TRPV2: variants seen among roughly 807,000 people sequenced by gnomAD.
TRPV2 encodes transient receptor potential cation channel subfamily V member 2, also known as OTRPC2.
A neutral mutation model predicts 91.0 loss-of-function variants in TRPV2; 58 were observed. The observed-to-expected ratio is 0.64, with a 90% CI of 0.52 to 0.79. The LOEUF (loss-of-function observed/expected upper bound fraction) is 0.79, where lower values mean the gene tolerates loss of function less well. Among genes scored for constraint, TRPV2 ranks in the 30% least tolerant of loss-of-function variants. The probability of loss-of-function intolerance (pLI) is 0.00; values close to 1 mark genes in which losing one functional copy is unlikely to be tolerated. For synonymous variants in TRPV2, 417 were observed against 414.8 expected, an observed-to-expected ratio of 1.01 and a Z score of -0.06; for missense variants, 807 against 969.6, an observed-to-expected ratio of 0.83 and a Z score of 2.23.
intron 2 of TRPV2, among the ~76,000 whole-genome samples, chr17:16,419,624 G>A (rs1257972541): frequency 6.6e-6 from 1 of 152,194 alleles, no homozygotes; most frequent in African/African-American, 2.4e-5. Context: ...AGAATATTCT[G>A]TAGTTAATAG....
chr17:16,430,752 G>C (rs1250499890), intron 10 of TRPV2, among the ~76,000 whole-genome samples: 1 of 152,150 alleles, frequency 6.6e-6, no homozygotes, highest in Non-Finnish European at 1.5e-5. Context: ...TTCCCAAAGT[G>C]CTGGGATTGC....
chr17:16,423,821 C>T (rs1350872943), intron 5 of TRPV2, 54 bp downstream of exon 5: 4 of 1,480,500 alleles, frequency 2.7e-6, no homozygotes, highest in African/African-American at 2.8e-5. Flanking sequence ...TAGGTCTCAT[C>T]CCAAAATTTC....
chr17:16,430,920 G>A (rs2093406761), intron 10 of TRPV2, among the ~76,000 whole-genome samples: 1 of 152,074 alleles, frequency 6.6e-6, no homozygotes, highest in Non-Finnish European at 1.5e-5. Context: ...CTACGAACAA[G>A]GGTGTAAAAG....
At chr17:16,424,052 C>T (rs755627673) in intron 5 of TRPV2, among the ~76,000 whole-genome samples, 23 of 151,126 alleles carry the variant, frequency 1.5e-4, no homozygotes, top group Non-Finnish European at 2.7e-4. Context: ...TGCAATGGTG[C>T]GACCTCGGCT....
chr17:16,433,376 CTG>C, intron 12 of TRPV2, 196 bp from the exon 13 acceptor site: 1 of 646,410 alleles, frequency 1.5e-6, no homozygotes, highest in South Asian at 1.9e-5. Flanking sequence ...AATGGGGAAA[CTG>C]AGATGCAGAG....
rs778453923 is a variant in TRPV2, at chr17:16,427,455, G to A, written c.1258G>A (p.Ala420Thr). 2.8e-5 allele frequency: 45 copies of A among 1,613,482 alleles called. No homozygotes were observed. Among genetic ancestry groups the A allele is most frequent in the Non-Finnish European group, 3.6e-5 (43 of 1,179,686 alleles). The stretch of plus-strand genomic sequence containing the variant: ...CATCTGAGTGTGTCTTCAGCAGGCC[G>A]CCCCTCACCTGAAAGCGGAGGTTGG... ...YHQPTLKKQA[A>T]PHLKAEVGNS... The change falls in exon 8 of 15, where the codon GCC becomes ACC. Residue 420 changes from alanine (A) to threonine (T), a missense_variant. Coordinates refer to ENST00000338560, the MANE Select transcript of TRPV2 (RefSeq NM_016113.5).
rs201799157 is a variant in TRPV2, at chr17:16,434,909, G to A, written c.2134G>A (p.Ala712Thr). ...WCFRVEEVNW[A>T]SWEQTLPTLC... ...CCTCAGGGTGGAGGAGGTGAACTGG[G>A]CTTCATGGGAGCAGACGCTGCCTAC... Residue 712 changes from alanine to threonine, a missense_variant, in exon 14 of 15, where the codon GCT becomes ACT. Ala to Thr is a moderately conservative substitution (Grantham distance 58). Transcript: ENST00000338560. 1.2e-6 allele frequency: 2 copies of A among 1,612,074 alleles called. No homozygotes were observed. The highest frequency in any genetic ancestry group is 1.7e-6 in the Non-Finnish European group (2 of 1,179,372).
chr17:16,428,324 A>T lies in TRPV2; in HGVS notation c.1358A>T (p.Tyr453Phe). Residue 453 changes from tyrosine (Y) to phenylalanine (F), a missense_variant, in exon 9 of 15, where the codon TAC becomes TTC. Transcript: ENST00000338560. ...TCCTCCCTTCCTCCGCAGCTGTGGT[A>T]CTTCTGGCGGCGCCACGTGTTCATC... The part of the protein sequence containing the change: ...GIYLLVGQLW[Y>F]FWRRHVFIWI... 6.2e-7 allele frequency: 1 copy of T among 1,614,172 alleles called. No individual in the cohort carries two copies. Among genetic ancestry groups the T allele is most frequent in the South Asian group, 1.1e-5 (1 of 91,088 alleles).
intron 2 of TRPV2, chr17:16,419,318 C>A (rs1312733046): frequency 2.1e-6 from 1 of 471,018 alleles, no homozygotes; most frequent in East Asian, 7.0e-5. Flanking sequence ...TACCAGATCC[C>A]TTCCGGGGTC....
intron 2 of TRPV2, among the ~76,000 whole-genome samples, chr17:16,419,756 A>G (rs1308294604): frequency 6.6e-6 from 1 of 152,216 alleles, no homozygotes; most frequent in East Asian, 1.9e-4. Flanking sequence ...CCCAAGCTCA[A>G]GAGCCACCAC....
At chr17:16,421,615 G>A (rs552501954) in intron 3 of TRPV2, among the ~76,000 whole-genome samples, 14 of 147,888 alleles carry the variant, frequency 9.5e-5, no homozygotes, top group South Asian at 4.3e-4. Flanking sequence ...TCTGCCTCCC[G>A]GGTCCAAGCA....
rs572456557 is a variant in TRPV2, at chr17:16,426,125, G to A, written c.951G>A (p.Glu317=). ...TTTTCAGGCACATCCTGCAGCGGGA[G>A]TTTTCAGGACTGAGCCACCTTTCCC... The part of the protein sequence containing the change: ...IEIFRHILQR[E]FSGLSHLSRK... The change falls in exon 6 of 15, where the codon GAG becomes GAA. Residue 317 remains glutamate (E), a synonymous_variant. Transcript: ENST00000338560. The surrounding 1 kb of genome is among the most constrained non-coding windows in gnomAD (Gnocchi z 6.0). The A allele has an allele frequency of 6.2e-7, 1 of 1,614,202 alleles. No individual in the cohort carries two copies.
intron 3 of TRPV2, among the ~76,000 whole-genome samples, chr17:16,421,359 G>A (rs557789043): frequency 1.5e-4 from 23 of 151,954 alleles, no homozygotes; most frequent in African/African-American, 5.6e-4. Context: ...TGGGATTACA[G>A]GCACCAGCCA....
Position 16,426,932 on chromosome 17 carries a change from C to A in TRPV2, c.1251+55C>A. 6.3e-7 allele frequency: 1 copy of A among 1,577,240 alleles called. No homozygotes were observed. ...CTTGGGGGAGGCCTGCTTGAAACAA[C>A]CCTGGGGGAAGATGGGGCAGTAATA... On this transcript the variant is annotated intron_variant, in intron 7 of 14. Transcript: ENST00000338560. This position sits in a 1 kb window ranked among gnomAD's most constrained non-coding sequence, Gnocchi z 6.0.
Position 16,430,561 on chromosome 17 carries a change from C to G in TRPV2, c.1588-1223C>G, listed in dbSNP as rs2093405152. Among the ~76,000 whole-genome samples the G allele has an allele frequency of 2.6e-5, 4 of 150,974 alleles. No individual in the cohort carries two copies. The South Asian group carries it at 8.3e-4, about 31-fold the overall frequency. On this transcript the variant is annotated intron_variant, in intron 10 of 14. Transcript: ENST00000338560. ...AGTGCAGTGATGCAATCTTGGCTCA[C>G]TGCAACCTCCGCCACCCAGGTTCAA...
chr17:16,422,933 A>G, intron 4 of TRPV2, 44 bp downstream of exon 4: 1 of 1,538,286 alleles, frequency 6.5e-7, no homozygotes, highest in Non-Finnish European at 8.8e-7. Context: ...AGAGAGAGTA[A>G]GGCCTGGTTC....
At position 16,430,174 on chromosome 17, in the gene TRPV2, C is replaced by CT. The variant is rs917885772; in HGVS notation, c.1587+1202dup. Among the ~76,000 whole-genome samples, 1,183 of 148,980 alleles carry CT rather than the reference C, an allele frequency of 7.9e-3. 9 individuals are homozygous for CT. Among genetic ancestry groups the CT allele is most frequent in the African/African-American group, 0.026 (1,036 of 40,618 alleles). ...GCTACTGCGCCTGGCCCATTTTAAC[C>CT]TTTTTTTTTTAAAGTATACAGCTAA... On this transcript the variant is annotated intron_variant, in intron 10 of 14. Coordinates refer to ENST00000338560, the MANE Select transcript of TRPV2 (RefSeq NM_016113.5).
chr17:16,418,645 A>C (rs12951377), intron 2 of TRPV2, among the ~76,000 whole-genome samples: 3 of 151,816 alleles, frequency 2.0e-5, no homozygotes, highest in Non-Finnish European at 2.9e-5. Context: ...GGGAGGATGC[A>C]TGAGGAGATT....
At position 16,433,641 on chromosome 17, in the gene TRPV2, T is replaced by C; in HGVS notation, c.2057T>C (p.Val686Ala). ...WWCRKKQRAG[V>A]MLTVGTKPDG... ...TGCAGGAAGAAGCAGCGGGCAGGTG[T>C]GATGCTGACCGTTGGCACTAAGCCA... Residue 686 changes from valine to alanine, a missense_variant, in exon 13 of 15, where the codon GTG becomes GCG. Transcript: ENST00000338560. The C allele has an allele frequency of 6.2e-7, 1 of 1,614,174 alleles. No individual in the cohort carries two copies. The highest frequency in any genetic ancestry group is 1.1e-5 in the South Asian group (1 of 91,084).
Sources: allele counts gnomAD v4.1 joint callset (sites outside exome capture counted in the v4.1 genomes callset), GRCh38; gene constraint gnomAD v4.1.1; non-coding constraint Gnocchi (gnomAD v3.1); transcripts MANE v1.5; gene names NCBI Gene and HGNC (gene_info 2026-07-23, HGNC 2026-07-21).